EFNA5: variants seen among roughly 807,000 people sequenced by gnomAD.
The protein encoded by EFNA5 is ephrin-A5.
Under a neutral mutation model 22.9 loss-of-function variants are expected in EFNA5, and 5 were observed. The ratio of observed to expected loss-of-function variants is 0.22; its 90% CI spans 0.11 to 0.46. EFNA5 has a LOEUF of 0.46. Ranked by LOEUF, EFNA5 falls within the 20% of genes least tolerant of loss-of-function variation. EFNA5 has a pLI of 0.99. For missense variants in EFNA5, 237 were observed against 293.3 expected, an observed-to-expected ratio of 0.81 and a Z score of 1.40; for synonymous variants, 113 against 112.2, an observed-to-expected ratio of 1.01 and a Z score of -0.04.
intron 1 of EFNA5, among the ~76,000 whole-genome samples, chr5:107,459,679 C>T (rs1270947959): frequency 6.6e-6 from 1 of 152,104 alleles, no homozygotes; most frequent in African/African-American, 2.4e-5. Flanking sequence ...TCTTCCTCTG[C>T]TCCACAGGAG....
chr5:107,637,920 A>C (rs897907184), intron 1 of EFNA5, among the ~76,000 whole-genome samples: 2 of 151,492 alleles, frequency 1.3e-5, no homozygotes, highest in Non-Finnish European at 2.9e-5. Context: ...TATCTCGGCT[A>C]ACTGCAAGCT....
chr5:107,586,418 AG>A (rs1454038000), intron 1 of EFNA5, among the ~76,000 whole-genome samples: 1 of 152,208 alleles, frequency 6.6e-6, no homozygotes, highest in African/African-American at 2.4e-5. Context: ...ACCTTTATAA[AG>A]AACAGCTAAA....
intron 1 of EFNA5, among the ~76,000 whole-genome samples, chr5:107,488,060 C>A (rs1278687900): frequency 6.6e-6 from 1 of 152,108 alleles, no homozygotes; most frequent in Non-Finnish European, 1.5e-5. Flanking sequence ...ATGTTTTGAG[C>A]CTGGGGTCCC....
intron 1 of EFNA5, among the ~76,000 whole-genome samples, chr5:107,635,092 A>C (rs1003578583): frequency 2.0e-5 from 3 of 152,170 alleles, no homozygotes; most frequent in Non-Finnish European, 4.4e-5. Context: ...AGGGGGAAAA[A>C]CCATTTTGAA....
At chr5:107,448,514 G>A (rs1749456565) in intron 1 of EFNA5, among the ~76,000 whole-genome samples, 1 of 152,030 alleles carries the variant, frequency 6.6e-6, no homozygotes, top group Non-Finnish European at 1.5e-5. Flanking sequence ...GTTACACAGA[G>A]GGAGGAACAT....
At chr5:107,586,533 G>C (rs1411354246) in intron 1 of EFNA5, among the ~76,000 whole-genome samples, 1 of 152,156 alleles carries the variant, frequency 6.6e-6, no homozygotes, top group Non-Finnish European at 1.5e-5. Context: ...CTGTGCTACT[G>C]TATTCCAGGC....
intron 1 of EFNA5, among the ~76,000 whole-genome samples, chr5:107,489,466 C>T (rs1007890720): frequency 6.6e-6 from 1 of 152,124 alleles, no homozygotes; most frequent in Admixed American, 6.5e-5. Flanking sequence ...CCACCGTGCC[C>T]GTCCTGGACC....
At chr5:107,465,450 C>A (rs1259294454) in intron 1 of EFNA5, among the ~76,000 whole-genome samples, 1 of 152,068 alleles carries the variant, frequency 6.6e-6, no homozygotes, top group Non-Finnish European at 1.5e-5. Context: ...TGGCAGAACA[C>A]CAAGGTTTCA....
intron 1 of EFNA5, among the ~76,000 whole-genome samples, chr5:107,541,059 A>G (rs1285844227): frequency 6.6e-6 from 1 of 152,106 alleles, no homozygotes; most frequent in East Asian, 1.9e-4. Flanking sequence ...GTGAGCCAAG[A>G]TTGTGCCACT....
At chr5:107,662,993 C>T (rs190553767) in intron 1 of EFNA5, among the ~76,000 whole-genome samples, 1 of 151,804 alleles carries the variant, frequency 6.6e-6, no homozygotes, top group Admixed American at 6.6e-5. Flanking sequence ...ATATAATATG[C>T]CTGGGTTTAA....
At chr5:107,387,346 A>G in intron 3 of EFNA5, 31 bp from the exon 4 acceptor site, 1 of 1,456,760 alleles carries the variant, frequency 6.9e-7, no homozygotes, top group East Asian at 2.3e-5. Flanking sequence ...ACAGCCAAAT[A>G]TGTTAGTGAA....
At chr5:107,579,948 T>A (rs1749008469) in intron 1 of EFNA5, among the ~76,000 whole-genome samples, 1 of 152,228 alleles carries the variant, frequency 6.6e-6, no homozygotes, top group Non-Finnish European at 1.5e-5. Context: ...TAAAACTCTT[T>A]ATCCATAAAT....
At position 107,578,193 on chromosome 5, in the gene EFNA5, T is replaced by C. The variant is rs78849646; in HGVS notation, c.125+92296A>G. 5.3e-5 allele frequency among the ~76,000 whole-genome samples: 8 copies of C among 152,330 alleles called. 1 individual carries two copies. The highest frequency in any genetic ancestry group is 6.8e-3 in the Middle Eastern group (2 of 294). On this transcript the variant is annotated intron_variant, in intron 1 of 4. Coordinates refer to ENST00000333274, the MANE Select transcript of EFNA5 (RefSeq NM_001962.3). ...ATTAAATGCTTAGGTGCTGAGAAGA[T>C]GCAAAAGTGTGCCTCTCCTAGAGAA...
intron 1 of EFNA5, among the ~76,000 whole-genome samples, chr5:107,436,679 C>T (rs866296784): frequency 6.6e-5 from 10 of 152,120 alleles, no homozygotes; most frequent in East Asian, 1.9e-4. Context: ...AGAGCACCTG[C>T]CACATACACA....
rs571418587 is a variant in EFNA5, at chr5:107,502,698, A to T, written c.126-75189T>A. 2.0e-5 allele frequency among the ~76,000 whole-genome samples: 3 copies of T among 152,264 alleles called. No homozygotes were observed. The South Asian group carries it at 6.2e-4, about 32-fold the overall frequency. On this transcript the variant is annotated intron_variant, in intron 1 of 4. Coordinates refer to ENST00000333274, the MANE Select transcript of EFNA5 (RefSeq NM_001962.3). ...ATGACTTCTAAATTCCTTTCCATCA[A>T]ATGCCAGTAGAAGCACTTGATAAAT... is the stretch of plus-strand genomic sequence containing the variant.
chr5:107,642,412 A>G lies in EFNA5; in HGVS notation c.125+28077T>C, dbSNP rs540718818. Among the ~76,000 whole-genome samples the G allele has an allele frequency of 2.6e-5, 4 of 152,006 alleles. No homozygotes were observed. The East Asian group carries it at 5.8e-4, about 22-fold the overall frequency. ...TAGCCATTCCATGATGTATACACAT[A>G]TATCAAAATATCATTTTGTAGACCA... On this transcript the variant is annotated intron_variant, in intron 1 of 4. Coordinates refer to ENST00000333274, the MANE Select transcript of EFNA5 (RefSeq NM_001962.3).
chr5:107,398,990 AG>A (rs1748006993), intron 2 of EFNA5, among the ~76,000 whole-genome samples: 1 of 152,132 alleles, frequency 6.6e-6, no homozygotes, highest in Non-Finnish European at 1.5e-5. Flanking sequence ...AAAACAAAAA[AG>A]GTCCTTGTCC....
At chr5:107,624,784 A>C (rs889770256) in intron 1 of EFNA5, among the ~76,000 whole-genome samples, 13 of 152,230 alleles carry the variant, frequency 8.5e-5, no homozygotes, top group South Asian at 2.1e-4. Context: ...TAATAGTCCC[A>C]AAAAAATTTG....
chr5:107,459,292 G>A (rs988264230), intron 1 of EFNA5, among the ~76,000 whole-genome samples: 2 of 151,128 alleles, frequency 1.3e-5, no homozygotes, highest in African/African-American at 4.9e-5. Flanking sequence ...GGTGGAGGTT[G>A]CAGTGAGTTG....
Sources: gnomAD v4.1 joint callset for allele counts (sites outside exome capture counted in the v4.1 genomes callset) on GRCh38, gnomAD v4.1.1 for gene constraint, MANE v1.5 for transcripts, NCBI Gene and HGNC (gene_info 2026-07-23, HGNC 2026-07-21) for gene names.